The following AKAIN1 variants were observed in gnomAD, a reference collection of about 807,000 sequenced individuals.
The protein encoded by AKAIN1 is A-kinase anchor inhibitor 1, also known as A-kinase anchor protein inhibitor 1.
A neutral mutation model predicts 3.7 loss-of-function variants in AKAIN1; 3 were observed. The ratio of observed to expected loss-of-function variants is 0.82; its 90% CI spans 0.37 to 2.12. The LOEUF is 2.12. AKAIN1 is among the 30% of genes most tolerant of loss of function. The pLI, the probability that AKAIN1 is intolerant of heterozygous loss-of-function variation, is 0.06. For missense variants in AKAIN1, 82 were observed against 82.7 expected, an observed-to-expected ratio of 0.99 and a Z score of 0.03; for synonymous variants, 31 against 30.8, an observed-to-expected ratio of 1.01 and a Z score of -0.02.
intron 1 of AKAIN1, among the ~76,000 whole-genome samples, chr18:5,160,377 G>T (rs1218011999): frequency 6.6e-6 from 1 of 152,124 alleles, no homozygotes; most frequent in Non-Finnish European, 1.5e-5. Context: ...TTATGATGAC[G>T]ATTCCCCTTT....
intron 1 of AKAIN1, among the ~76,000 whole-genome samples, chr18:5,172,265 G>A (rs2071201941): frequency 6.6e-6 from 1 of 151,986 alleles, no homozygotes; most frequent in Non-Finnish European, 1.5e-5. Context: ...GATGACTTTA[G>A]TCTACAATAA....
At position 5,143,435 on chromosome 18, in the gene AKAIN1, A is replaced by G. The variant is rs1397548155; in HGVS notation, c.*2127T>C. On this transcript the variant is annotated 3_prime_UTR_variant, in exon 2 of 2. Transcript: ENST00000434239. Reference sequence around the variant, plus strand: ...GACACTCTACCTTCCAGACCCACTTACCTTGAATTTTTTAGATCAAAAGAC... The same window carrying G: ...GACACTCTACCTTCCAGACCCACTTGCCTTGAATTTTTTAGATCAAAAGAC... Among the ~76,000 whole-genome samples the G allele has an allele frequency of 6.6e-6, 1 of 152,090 alleles. No homozygotes were observed. The highest frequency in any genetic ancestry group is 2.4e-5 in the African/African-American group (1 of 41,404).
intron 1 of AKAIN1, among the ~76,000 whole-genome samples, chr18:5,158,660 T>A (rs911606191): frequency 6.6e-6 from 1 of 152,212 alleles, no homozygotes; most frequent in Admixed American, 6.5e-5. Context: ...GATAATTTTG[T>A]TCCTGTTGGT....
intron 1 of AKAIN1, chr18:5,170,738 A>T (rs2143347778): frequency 6.6e-6 from 1 of 152,228 alleles, no homozygotes; most frequent in South Asian, 2.1e-4. Context: ...GGCACTTGTG[A>T]CTGCCTCAAT....
At chr18:5,170,496 T>C (rs2071191398) in intron 1 of AKAIN1, among the ~76,000 whole-genome samples, 2 of 152,162 alleles carry the variant, frequency 1.3e-5, no homozygotes, top group Admixed American at 6.6e-5. Flanking sequence ...TTTGAGTCTC[T>C]GCTAAGCAAA....
At chr18:5,159,257 C>T (rs922050823) in intron 1 of AKAIN1, 1 of 151,856 alleles carries the variant, frequency 6.6e-6, no homozygotes, top group African/African-American at 2.4e-5. Flanking sequence ...TTTGTTAGAA[C>T]TATGTGACAG....
In AKAIN1 at chr18:5,173,615, C is replaced by T. The variant is rs375594293; in HGVS notation, c.16+23423G>A. ...GGGGTCCTCTCTGTTTAGCACTAGC[C>T]TAGGTGTGGCGCATAATGATTGACT... On this transcript the variant is annotated intron_variant, in intron 1 of 1. Coordinates refer to ENST00000434239, the MANE Select transcript of AKAIN1 (RefSeq NM_001145194.2). 4.6e-5 allele frequency among the ~76,000 whole-genome samples: 7 copies of T among 152,138 alleles called. No individual in the cohort carries two copies. The South Asian group carries it at 1.2e-3, about 27-fold the overall frequency.
At chr18:5,166,752 T>C (rs2071169984) in intron 1 of AKAIN1, among the ~76,000 whole-genome samples, 1 of 152,088 alleles carries the variant, frequency 6.6e-6, no homozygotes, top group African/African-American at 2.4e-5. Flanking sequence ...AGAGCATAAT[T>C]TAAGGTTGCA....
intron 1 of AKAIN1, among the ~76,000 whole-genome samples, chr18:5,192,410 T>TTTCTTTCTTTC (rs1567880977): frequency 8.6e-6 from 1 of 116,448 alleles, no homozygotes; most frequent in Non-Finnish European, 1.9e-5. Flanking sequence ...TCTTTCTTTC[T>TTTCTTTCTTTC]TTCTTTCTTT....
At chr18:5,158,152 G>A (rs189265548) in intron 1 of AKAIN1, among the ~76,000 whole-genome samples, 71 of 152,304 alleles carry the variant, frequency 4.7e-4, no homozygotes, top group East Asian at 3.3e-3. Context: ...ACATTGTCCC[G>A]TGTGCCCAGT....
intron 1 of AKAIN1, among the ~76,000 whole-genome samples, chr18:5,169,913 C>T (rs11664754): frequency 0.18 from 27,319 of 152,122 alleles, 3,070 homozygotes; most frequent in Non-Finnish European, 0.25. Context: ...GTTGCAGTTA[C>T]TCTTCACCTG....
intron 1 of AKAIN1, among the ~76,000 whole-genome samples, chr18:5,189,139 A>G (rs1275714150): frequency 6.6e-6 from 1 of 152,158 alleles, no homozygotes; most frequent in Non-Finnish European, 1.5e-5. Flanking sequence ...CAGAGACCCA[A>G]GACAACTCTG....
chr18:5,176,439 C>CAAAAA (rs146227001), intron 1 of AKAIN1, among the ~76,000 whole-genome samples: 2,890 of 150,728 alleles, frequency 0.019, 40 homozygotes, highest in African/African-American at 0.04. Context: ...GACCCTGTCT[C>CAAAAA]AAAAACAAAC....
chr18:5,194,022 A>G (rs1232469617), intron 1 of AKAIN1, among the ~76,000 whole-genome samples: 1 of 152,140 alleles, frequency 6.6e-6, no homozygotes, highest in East Asian at 1.9e-4. Flanking sequence ...TAGGAAAAGG[A>G]AGCAAGAGGC....
At chr18:5,196,093 C>G (rs2071345930) in intron 1 of AKAIN1, among the ~76,000 whole-genome samples, 1 of 152,196 alleles carries the variant, frequency 6.6e-6, no homozygotes. Context: ...AAATACATGC[C>G]AATCTTTCAA....
At chr18:5,151,111 C>G (rs1265200762) in intron 1 of AKAIN1, among the ~76,000 whole-genome samples, 2 of 152,044 alleles carry the variant, frequency 1.3e-5, no homozygotes, top group Non-Finnish European at 1.5e-5. Context: ...CAGGGCAAGA[C>G]AGGACTCCAG....
intron 1 of AKAIN1, among the ~76,000 whole-genome samples, chr18:5,147,615 T>G (rs28455736): frequency 8.7e-4 from 133 of 152,300 alleles, no homozygotes; most frequent in African/African-American, 3.1e-3. Context: ...AGAGGAAACA[T>G]CACAAAAGAT....
intron 1 of AKAIN1, among the ~76,000 whole-genome samples, chr18:5,182,116 A>G (rs190791178): frequency 1.5e-3 from 222 of 152,248 alleles, no homozygotes; most frequent in Admixed American, 4.3e-3. Flanking sequence ...CATGATTCAT[A>G]ACTTATTCAT....
chr18:5,196,355 G>C (rs1458603168), intron 1 of AKAIN1, among the ~76,000 whole-genome samples: 1 of 152,226 alleles, frequency 6.6e-6, no homozygotes, highest in African/African-American at 2.4e-5. Flanking sequence ...CCGCCAAGCC[G>C]GTCAACCGCA....
Sources: allele counts gnomAD v4.1 joint callset (sites outside exome capture counted in the v4.1 genomes callset), GRCh38; gene constraint gnomAD v4.1.1; transcripts MANE v1.5; gene names NCBI Gene and HGNC (gene_info 2026-07-23, HGNC 2026-07-21).